Variants in CORIN observed in about 807,000 individuals in gnomAD.
CORIN encodes the protein atrial natriuretic peptide-converting enzyme.
CORIN carries 117 observed loss-of-function variants against 125.3 expected under a neutral mutation model. The ratio of observed to expected loss-of-function variants is 0.93; its 90% CI spans 0.80 to 1.09. CORIN has a LOEUF of 1.09. Ranked by LOEUF, CORIN falls within the 50% of genes least tolerant of loss-of-function variation. The pLI is 0.00. For missense variants in CORIN, 1,253 were observed against 1,306.7 expected, an observed-to-expected ratio of 0.96 and a Z score of 0.63; for synonymous variants, 450 against 466.4, an observed-to-expected ratio of 0.96 and a Z score of 0.45.
At chr4:47,789,040 T>A (rs1230577123) in intron 2 of CORIN, among the ~76,000 whole-genome samples, 1 of 152,166 alleles carries the variant, frequency 6.6e-6, no homozygotes, top group African/African-American at 2.4e-5. Context: ...CAGAGACTCA[T>A]GCCTGTAATC....
chr4:47,624,571 T>A (rs1722474632), intron 17 of CORIN, among the ~76,000 whole-genome samples: 1 of 152,182 alleles, frequency 6.6e-6, no homozygotes, highest in African/African-American at 2.4e-5. Context: ...TAAATTTGCT[T>A]CATATAACTT....
At chr4:47,723,129 C>T (rs376937672) in intron 5 of CORIN, among the ~76,000 whole-genome samples, 1 of 152,196 alleles carries the variant, frequency 6.6e-6, no homozygotes, top group Admixed American at 6.5e-5. Context: ...AGAAGCTGTG[C>T]TCATGGAAGC....
In CORIN at chr4:47,603,617, G is replaced by C; in HGVS notation, c.2592C>G (p.Asp864Glu). 1 of 1,614,148 alleles carries C rather than the reference G, an allele frequency of 6.2e-7. No homozygotes were observed. The highest frequency in any genetic ancestry group is 1.1e-5 in the South Asian group (1 of 91,086). ...WKVVLGINNL[D>E]HPSVFMQTRF... ...GTGTCTGCATGAACACTGATGGATG[G>C]TCTAGATTGTTGATGCCAAGCACCA... Residue 864 changes from aspartate (D) to glutamate (E), a missense_variant, in exon 20 of 22, where the codon GAC (aspartate) becomes GAG (glutamate). Physicochemically the swap from Asp to Glu is conservative, Grantham distance 45. Transcript: ENST00000273857.
At chr4:47,618,881 A>G (rs1722190317) in intron 19 of CORIN, among the ~76,000 whole-genome samples, 1 of 152,154 alleles carries the variant, frequency 6.6e-6, no homozygotes, top group African/African-American at 2.4e-5. Context: ...CTGAGATACT[A>G]GGGCAGAAAG....
intron 1 of CORIN, among the ~76,000 whole-genome samples, chr4:47,817,871 G>A (rs766203624): frequency 2.0e-5 from 3 of 152,028 alleles, no homozygotes; most frequent in African/African-American, 7.2e-5. Flanking sequence ...TCTCTGACCC[G>A]GTCTCTAGAT....
chr4:47,755,445 CATATTTTAT>C (rs1729093422), intron 4 of CORIN, among the ~76,000 whole-genome samples: 1 of 152,134 alleles, frequency 6.6e-6, no homozygotes, highest in East Asian at 1.9e-4. Flanking sequence ...GTATCCTCTA[CATATTTTAT>C]TGTTGTTTTC....
intron 11 of CORIN, among the ~76,000 whole-genome samples, chr4:47,663,424 A>C (rs1398956259): frequency 6.6e-6 from 1 of 152,194 alleles, no homozygotes; most frequent in Non-Finnish European, 1.5e-5. Context: ...AATTTCTTAT[A>C]AACAAATATC....
At chr4:47,632,528 T>C (rs952511264) in intron 16 of CORIN, 8 of 152,174 alleles carry the variant, frequency 5.3e-5, no homozygotes, top group African/African-American at 1.9e-4. Flanking sequence ...CAGGTACTAA[T>C]AGGTTTCAAA....
intron 1 of CORIN, among the ~76,000 whole-genome samples, chr4:47,836,220 C>T (rs1048076402): frequency 6.6e-6 from 1 of 152,150 alleles, no homozygotes; most frequent in Non-Finnish European, 1.5e-5. Flanking sequence ...TCTCAAGTCC[C>T]AGGATCTGAG....
chr4:47,653,273 G>A (rs1050785901), intron 13 of CORIN, among the ~76,000 whole-genome samples: 39 of 152,120 alleles, frequency 2.6e-4, no homozygotes, highest in African/African-American at 8.5e-4. Flanking sequence ...ACAATCTATG[G>A]TTTCAGGTAT....
intron 4 of CORIN, among the ~76,000 whole-genome samples, chr4:47,750,211 C>T (rs770503348): frequency 3.3e-5 from 5 of 152,214 alleles, no homozygotes; most frequent in South Asian, 2.1e-4. Context: ...TTAGGCTTAG[C>T]GGGGTATGAG....
chr4:47,622,766 C>T lies in CORIN; in HGVS notation c.2540+805G>A, dbSNP rs530780762. ...AGCAGATTGAACTGCAACTCTTGCC[C>T]GATCTTCCTGCCTGCCACCTACCTC... On this transcript the variant is annotated intron_variant, in intron 19 of 21. Coordinates refer to ENST00000273857, the MANE Select transcript of CORIN (RefSeq NM_006587.4). Among the ~76,000 whole-genome samples, 97 of 152,264 alleles carry T rather than the reference C, an allele frequency of 6.4e-4. 1 individual carries two copies. The highest frequency in any genetic ancestry group is 6.8e-3 in the Middle Eastern group (2 of 294).
Position 47,744,419 on chromosome 4 carries a change from T to C in CORIN, c.782A>G (p.Gln261Arg), listed in dbSNP as rs1286949365. 6.2e-6 allele frequency: 10 copies of C among 1,613,496 alleles called. No individual in the cohort carries two copies. The highest frequency in any genetic ancestry group is 1.7e-5 in the Admixed American group (1 of 59,862). ...ACACCTACATTGCTTTCCGTTTTCC[T>C]GCTGAGGTGAGAAGCAAATTCTGCT... ...NVSRICFSPQ[Q>R]ENGKQLLCGR... The change falls in exon 5 of 22, where the codon CAG becomes CGG. Residue 261 changes from glutamine to arginine, a missense_variant. Transcript: ENST00000273857.
intron 1 of CORIN, among the ~76,000 whole-genome samples, chr4:47,813,205 T>C (rs1023072371): frequency 7.9e-5 from 12 of 152,226 alleles, no homozygotes; most frequent in African/African-American, 2.7e-4. Flanking sequence ...TAGTATTTCA[T>C]GTGATGACCA....
chr4:47,610,452 T>G (rs1188233326), intron 19 of CORIN, among the ~76,000 whole-genome samples: 2 of 151,968 alleles, frequency 1.3e-5, no homozygotes, highest in African/African-American at 4.8e-5. Context: ...TAATGGGGTT[T>G]TTTTTTTCTT....
At chr4:47,641,893 A>T (rs374332011) in intron 16 of CORIN, 27 bp downstream of exon 16, 2 of 1,605,680 alleles carry the variant, frequency 1.2e-6, no homozygotes, top group Admixed American at 1.7e-5. Context: ...TGAGAAATTC[A>T]TCAGTGCTAC....
At chr4:47,679,964 A>T (rs1725190468) in intron 8 of CORIN, 177 bp downstream of exon 8, 3 of 502,724 alleles carry the variant, frequency 6.0e-6, no homozygotes, top group Non-Finnish European at 1.1e-5. Flanking sequence ...GATACACTCC[A>T]TTGCTATTGT....
intron 5 of CORIN, chr4:47,706,261 C>A (rs61762902): frequency 1.6e-5 from 11 of 693,568 alleles, no homozygotes; most frequent in Non-Finnish European, 2.4e-5. Flanking sequence ...TAGAAAAGTT[C>A]TTCCGAAATT....
At chr4:47,710,030 A>G (rs931957829) in intron 5 of CORIN, among the ~76,000 whole-genome samples, 1 of 152,242 alleles carries the variant, frequency 6.6e-6, no homozygotes, top group Non-Finnish European at 1.5e-5. Flanking sequence ...CATATGAGTC[A>G]GTTTTGTGTA....
Sources: allele counts gnomAD v4.1 joint callset (sites outside exome capture counted in the v4.1 genomes callset), GRCh38; gene constraint gnomAD v4.1.1; transcripts MANE v1.5; gene names NCBI Gene and HGNC (gene_info 2026-07-23, HGNC 2026-07-21).